The following ALPK2 variants were observed in gnomAD, a reference collection of about 807,000 sequenced individuals.
ALPK2 encodes the protein alpha-protein kinase 2.
A neutral mutation model predicts 163.1 loss-of-function variants in ALPK2; 127 were observed. The observed-to-expected ratio is 0.78, with a 90% CI of 0.67 to 0.90. The LOEUF is 0.90. Ranked by LOEUF, ALPK2 falls within the 40% of genes least tolerant of loss-of-function variation. The pLI is 0.00. For synonymous variants in ALPK2, 953 were observed against 959.1 expected, an observed-to-expected ratio of 0.99 and a Z score of 0.12; for missense variants, 2,360 against 2,589.6, an observed-to-expected ratio of 0.91 and a Z score of 1.92.
intron 8 of ALPK2, among the ~76,000 whole-genome samples, chr18:58,520,146 G>C (rs8089999): frequency 0.66 from 99,582 of 151,928 alleles, 33,238 homozygotes; most frequent in Middle Eastern, 0.76. Flanking sequence ...AATCAAGAGA[G>C]GCCGGGTGTG....
intron 4 of ALPK2, among the ~76,000 whole-genome samples, chr18:58,570,379 G>A (rs1282583667): frequency 6.6e-6 from 1 of 152,200 alleles, no homozygotes; most frequent in African/African-American, 2.4e-5. Flanking sequence ...GATGTGCCCT[G>A]CCTGTTACTG....
chr18:58,541,433 A>C (rs2051689224), intron 4 of ALPK2, among the ~76,000 whole-genome samples: 1 of 152,250 alleles, frequency 6.6e-6, no homozygotes, highest in Non-Finnish European at 1.5e-5. Context: ...CCCCACCTCC[A>C]ACATTGGGGA....
At position 58,537,931 on chromosome 18, in the gene ALPK2, G is replaced by C; in HGVS notation, c.2256C>G (p.Ser752=). Residue 752 remains serine, a synonymous_variant, in exon 5 of 13, where the codon TCC becomes TCG. Transcript: ENST00000361673. ...SISEANDETM[S]PGVFSRHLPK... is the part of the protein sequence containing the mutation. ...GGAGATGCCTTGAGAACACACCTGG[G>C]GACATAGTCTCATCATTGGCTTCTG... 6.2e-7 allele frequency: 1 copy of C among 1,614,110 alleles called. No individual in the cohort carries two copies. Among genetic ancestry groups the C allele is most frequent in the South Asian group, 1.1e-5 (1 of 91,072 alleles).
At chr18:58,482,064 A>G in intron 12 of ALPK2, 25 bp from the exon 13 acceptor site, 3 of 1,573,466 alleles carry the variant, frequency 1.9e-6, no homozygotes, top group East Asian at 2.2e-5. Flanking sequence ...GGAAGGAAAC[A>G]TAGCTTTTAA....
intron 4 of ALPK2, among the ~76,000 whole-genome samples, chr18:58,555,614 T>G (rs1004031855): frequency 1.3e-5 from 2 of 152,208 alleles, no homozygotes; most frequent in Admixed American, 1.3e-4. Context: ...AGGTGCTAAG[T>G]GTACCCTTTA....
chr18:58,531,930 C>G (rs1456984960), intron 5 of ALPK2, among the ~76,000 whole-genome samples: 1 of 70,330 alleles, frequency 1.4e-5, no homozygotes, highest in Non-Finnish European at 2.5e-5. Context: ...AGCAAGGCTC[C>G]GTCTCAAAAA....
At chr18:58,525,741 G>T (rs2051580779) in intron 6 of ALPK2, among the ~76,000 whole-genome samples, 1 of 152,104 alleles carries the variant, frequency 6.6e-6, no homozygotes, top group Non-Finnish European at 1.5e-5. Flanking sequence ...GTGTCATGAG[G>T]AGTAACGTGT....
intron 4 of ALPK2, among the ~76,000 whole-genome samples, chr18:58,543,108 G>A (rs1158295112): frequency 1.3e-5 from 2 of 152,108 alleles, no homozygotes; most frequent in Non-Finnish European, 2.9e-5. Flanking sequence ...TTCATAAGAA[G>A]AGGAACAGAG....
chr18:58,521,625 C>CTTTTTTTTTTTTTTTTTTTTTTTTT (rs1375364902), intron 8 of ALPK2, among the ~76,000 whole-genome samples: 10 of 50,586 alleles, frequency 2.0e-4, no homozygotes, highest in South Asian at 6.7e-4. Context: ...CTTTCTCTCT[C>CTTTTTTTTTTTTTTTTTTTTTTTTT]TCTTTTTTTT....
At chr18:58,627,054 T>G (rs1381204312) in intron 1 of ALPK2, among the ~76,000 whole-genome samples, 4 of 152,194 alleles carry the variant, frequency 2.6e-5, no homozygotes. Flanking sequence ...TCAAACAGGT[T>G]GAAAAGTTAT....
At chr18:58,564,529 G>T (rs1444434461) in intron 4 of ALPK2, among the ~76,000 whole-genome samples, 2 of 149,796 alleles carry the variant, frequency 1.3e-5, no homozygotes, top group Non-Finnish European at 3.0e-5. Flanking sequence ...TTATGGTGGG[G>T]GTTTTTGTGC....
At position 58,534,849 on chromosome 18, in the gene ALPK2, T is replaced by C. The variant is rs1012296926; in HGVS notation, c.5338A>G (p.Lys1780Glu). 7.5e-6 allele frequency: 12 copies of C among 1,609,068 alleles called. No homozygotes were observed. The highest frequency in any genetic ancestry group is 3.3e-4 in the Middle Eastern group (2 of 6,032). Residue 1780 changes from lysine (K) to glutamate (E), a missense_variant, in exon 5 of 13, where the codon AAA (lysine) becomes GAA (glutamate). Coordinates refer to ENST00000361673, the MANE Select transcript of ALPK2 (RefSeq NM_052947.4). ...EKQDPKKPSCKREGRAPVLLK... is the reference protein window; with the variant it reads ...EKQDPKKPSCEREGRAPVLLK... ...AGAACCTCACCTCTTCCTTCTCTTT[T>C]GCAAGATGGCTTTTTTGGGTCTTGT...
At position 58,482,002 on chromosome 18, in the gene ALPK2, T is replaced by C. The variant is rs756543711; in HGVS notation, c.6334A>G (p.Ile2112Val). 1.2e-6 allele frequency: 2 copies of C among 1,614,210 alleles called. No homozygotes were observed. The highest frequency in any genetic ancestry group is 1.1e-5 in the South Asian group (1 of 91,072). The change falls in exon 13 of 13, where the codon ATT (isoleucine) becomes GTT (valine). Residue 2112 changes from isoleucine (I) to valine (V), a missense_variant. Ile to Val is a conservative substitution (Grantham distance 29). Transcript: ENST00000361673. ...TGGTGTAGTGCTTTAAACTGATCAATGAAGGTCATGGAACAGTTGCCTTTA... is the reference window on the plus strand; with the variant it reads ...TGGTGTAGTGCTTTAAACTGATCAACGAAGGTCATGGAACAGTTGCCTTTA... ...GFKGNCSMTF[I>V]DQFKALHQCN...
At chr18:58,580,618 G>A in intron 3 of ALPK2, 70 bp from the exon 4 acceptor site, 1 of 1,296,878 alleles carries the variant, frequency 7.7e-7, no homozygotes, top group South Asian at 1.4e-5. Context: ...TCACACCATG[G>A]CACACAGAGA....
chr18:58,626,575 T>C (rs1440052297), intron 1 of ALPK2, among the ~76,000 whole-genome samples: 1 of 151,988 alleles, frequency 6.6e-6, no homozygotes, highest in African/African-American at 2.4e-5. Context: ...TCCCAAACAC[T>C]CATATTTAAA....
intron 10 of ALPK2, among the ~76,000 whole-genome samples, chr18:58,514,311 T>C (rs527787853): frequency 1.3e-5 from 2 of 152,358 alleles, no homozygotes; most frequent in African/African-American, 4.8e-5. Context: ...TCCCAGTTTT[T>C]ACTCATAGGT....
intron 12 of ALPK2, among the ~76,000 whole-genome samples, chr18:58,493,653 A>G (rs775360555): frequency 6.6e-6 from 1 of 152,094 alleles, no homozygotes; most frequent in Non-Finnish European, 1.5e-5. Context: ...TCTCAAGGCA[A>G]CTGTCCTCCT....
At chr18:58,591,174 G>A (rs2052013026) in intron 3 of ALPK2, among the ~76,000 whole-genome samples, 1 of 152,192 alleles carries the variant, frequency 6.6e-6, no homozygotes, top group Admixed American at 6.5e-5. Flanking sequence ...ACTGTTCCCT[G>A]TTGGCTCAAT....
chr18:58,540,483 G>T (rs1308668327), intron 4 of ALPK2, among the ~76,000 whole-genome samples: 3 of 152,156 alleles, frequency 2.0e-5, no homozygotes, highest in Non-Finnish European at 2.9e-5. Context: ...ATGTGCATAT[G>T]CTTTCCTCTC....
Sources: allele counts gnomAD v4.1 joint callset (sites outside exome capture counted in the v4.1 genomes callset), GRCh38; gene constraint gnomAD v4.1.1; transcripts MANE v1.5; gene names NCBI Gene and HGNC (gene_info 2026-07-23, HGNC 2026-07-21).